The following RNF216 variants were observed in gnomAD, a reference collection of about 807,000 sequenced individuals.
The protein encoded by RNF216 is ring finger protein 216, also known as E3 ubiquitin-protein ligase RNF216.
RNF216 carries 72 observed loss-of-function variants against 110.8 expected under a neutral mutation model. The ratio of observed to expected loss-of-function variants is 0.65; its 90% confidence interval spans 0.54 to 0.79. The LOEUF is 0.79. Among genes scored for constraint, RNF216 ranks in the 30% least tolerant of loss-of-function variants. The pLI, the probability that RNF216 is intolerant of heterozygous loss-of-function variation, is 0.00. For missense variants in RNF216, 1,342 were observed against 1,141.2 expected (o/e 1.18, Z -2.54); for synonymous variants, 495 against 407.5 (o/e 1.21, Z -2.59).
chr7:5,641,477 T>A, intron 14 of RNF216, 101 bp from the exon 15 acceptor site: 1 of 969,212 alleles, frequency 1.0e-6, no homozygotes, highest in Non-Finnish European at 1.5e-6. Context: ...TGATCACTTA[T>A]GGCTTTTTTG....
At chr7:5,754,721 T>A (rs1320646954) in intron 2 of RNF216, among the ~76,000 whole-genome samples, 1 of 152,142 alleles carries the variant, frequency 6.6e-6, no homozygotes, top group Non-Finnish European at 1.5e-5. Context: ...ACAATCTTGG[T>A]GTACCCAATG....
At chr7:5,775,477 T>C (rs190563069) in intron 1 of RNF216, among the ~76,000 whole-genome samples, 1 of 152,300 alleles carries the variant, frequency 6.6e-6, no homozygotes, top group East Asian at 1.9e-4. Context: ...CTCTCCAGAA[T>C]ACTTCCTGTA....
chr7:5,676,289 C>T (rs1256404653), intron 13 of RNF216, among the ~76,000 whole-genome samples: 2 of 152,136 alleles, frequency 1.3e-5, no homozygotes, highest in Non-Finnish European at 2.9e-5. Context: ...GAGGCATTGA[C>T]CACCGCGGCC....
At chr7:5,769,440 A>C (rs1796378392) in intron 1 of RNF216, among the ~76,000 whole-genome samples, 1 of 149,274 alleles carries the variant, frequency 6.7e-6, no homozygotes, top group Non-Finnish European at 1.5e-5. Context: ...TTAAACAAAG[A>C]GGCTGGGCGT....
At chr7:5,673,518 GA>G (rs1251910922) in intron 13 of RNF216, among the ~76,000 whole-genome samples, 1 of 152,222 alleles carries the variant, frequency 6.6e-6, no homozygotes, top group Non-Finnish European at 1.5e-5. Flanking sequence ...CAGCAAAGCT[GA>G]CCTGTCACGT....
intron 13 of RNF216, among the ~76,000 whole-genome samples, chr7:5,677,348 G>A (rs1790368119): frequency 6.6e-6 from 1 of 152,120 alleles, no homozygotes; most frequent in African/African-American, 2.4e-5. Flanking sequence ...GTGGGCACTA[G>A]GTAAATTATC....
At chr7:5,691,542 A>G (rs1791340541) in intron 13 of RNF216, among the ~76,000 whole-genome samples, 1 of 152,114 alleles carries the variant, frequency 6.6e-6, no homozygotes, top group South Asian at 2.1e-4. Flanking sequence ...GAGAGGGGGA[A>G]TGTGTGTGTG....
intron 2 of RNF216, among the ~76,000 whole-genome samples, chr7:5,760,757 A>G (rs1562470046): frequency 1.3e-5 from 2 of 152,238 alleles, no homozygotes; most frequent in Non-Finnish European, 2.9e-5. Context: ...CAATGACTGC[A>G]TATTAACAGC....
intron 15 of RNF216, among the ~76,000 whole-genome samples, chr7:5,638,554 T>C (rs1787540995): frequency 6.6e-6 from 1 of 152,088 alleles, no homozygotes; most frequent in Middle Eastern, 3.2e-3. Context: ...CCAGGTACTA[T>C]TTTCATTTCC....
intron 8 of RNF216, 136 bp downstream of exon 8, chr7:5,725,188 T>C: frequency 3.8e-6 from 2 of 531,508 alleles, no homozygotes; most frequent in Non-Finnish European, 6.7e-6. Context: ...GAGAAAATAG[T>C]TCCTGTCAGT....
chr7:5,633,330 A>C (rs893723071), intron 15 of RNF216, among the ~76,000 whole-genome samples: 1 of 150,742 alleles, frequency 6.6e-6, no homozygotes, highest in Admixed American at 6.6e-5. Flanking sequence ...AATCCCAGCA[A>C]TTTGGGAGGC....
intron 1 of RNF216, among the ~76,000 whole-genome samples, chr7:5,772,476 G>A (rs559317146): frequency 5.7e-4 from 86 of 152,034 alleles, no homozygotes; most frequent in Non-Finnish European, 9.0e-4. Flanking sequence ...GTGCGATCTC[G>A]GCTTACTGCA....
intron 3 of RNF216, among the ~76,000 whole-genome samples, chr7:5,747,144 G>C (rs1795069338): frequency 6.6e-6 from 1 of 152,180 alleles, no homozygotes; most frequent in African/African-American, 2.4e-5. Context: ...CAGTTCAACT[G>C]TTTCCTTATA....
intron 5 of RNF216, among the ~76,000 whole-genome samples, chr7:5,732,273 G>A (rs991371224): frequency 3.3e-5 from 5 of 152,158 alleles, no homozygotes; most frequent in Admixed American, 6.5e-5. Flanking sequence ...CAAAAATCGC[G>A]TCTGTAGGGA....
chr7:5,712,405 G>A (rs191907312), intron 12 of RNF216, among the ~76,000 whole-genome samples: 2 of 152,020 alleles, frequency 1.3e-5, no homozygotes, highest in East Asian at 3.9e-4. Flanking sequence ...CTCAGGAGGC[G>A]GAGGTTGTAG....
intron 13 of RNF216, among the ~76,000 whole-genome samples, chr7:5,677,931 T>C (rs1482928673): frequency 6.6e-6 from 1 of 152,194 alleles, no homozygotes; most frequent in Non-Finnish European, 1.5e-5. Flanking sequence ...CCAGCCCTGT[T>C]ATTACACACC....
intron 1 of RNF216, among the ~76,000 whole-genome samples, chr7:5,767,495 T>G (rs1488225535): frequency 6.6e-6 from 1 of 151,956 alleles, no homozygotes; most frequent in Non-Finnish European, 1.5e-5. Context: ...CCCCACCAAG[T>G]TGTTAACCTA....
intron 13 of RNF216, among the ~76,000 whole-genome samples, chr7:5,665,662 G>C (rs1789462556): frequency 6.6e-6 from 1 of 152,062 alleles, no homozygotes; most frequent in Non-Finnish European, 1.5e-5. Context: ...GGGGACCAGG[G>C]CTTCGAGGAC....
chr7:5,639,643 T>G (rs1000228338), intron 15 of RNF216, among the ~76,000 whole-genome samples: 1 of 151,942 alleles, frequency 6.6e-6, no homozygotes, highest in African/African-American at 2.4e-5. Context: ...ATATTTTTAT[T>G]AGAGACAGGT....
Sources: gnomAD v4.1 joint callset for allele counts (sites outside exome capture counted in the v4.1 genomes callset) on GRCh38, gnomAD v4.1.1 for gene constraint, MANE v1.5 for transcripts, NCBI Gene and HGNC (gene_info 2026-07-23, HGNC 2026-07-21) for gene names.